The following CADM2 variants were observed in gnomAD, a reference collection of about 807,000 sequenced individuals.
CADM2 encodes the protein cell adhesion molecule 2, also known as immunoglobulin superfamily member 4D.
A neutral mutation model predicts 49.8 loss-of-function variants in CADM2; 12 were observed. The observed-to-expected ratio is 0.24, with a 90% confidence interval of 0.15 to 0.39. CADM2 has a LOEUF of 0.39. Among genes scored for constraint, CADM2 ranks in the 10% least tolerant of loss-of-function variants. The pLI is 1.00. For missense variants in CADM2, 378 were observed against 492.3 expected (o/e 0.77, Z 2.20); for synonymous variants, 214 against 175.4 (o/e 1.22, Z -1.74).
chr3:85,683,436 T>C (rs535704600), intron 1 of CADM2, among the ~76,000 whole-genome samples: 1 of 152,304 alleles, frequency 6.6e-6, no homozygotes, highest in East Asian at 1.9e-4. Flanking sequence ...TTTTGATAAA[T>C]AGAACCCTTA....
chr3:85,523,741 C>A (rs1388778126), intron 1 of CADM2, among the ~76,000 whole-genome samples: 3 of 151,908 alleles, frequency 2.0e-5, no homozygotes, highest in African/African-American at 7.2e-5. Flanking sequence ...TTCAATTTTA[C>A]TACTTTCTTT....
intron 2 of CADM2, among the ~76,000 whole-genome samples, chr3:85,738,776 C>T (rs1423861905): frequency 1.3e-5 from 2 of 152,078 alleles, no homozygotes; most frequent in Non-Finnish European, 2.9e-5. Context: ...AAGAGATATA[C>T]TAAAAGAGCA....
At chr3:85,568,384 C>G (rs2062332757) in intron 1 of CADM2, among the ~76,000 whole-genome samples, 1 of 147,524 alleles carries the variant, frequency 6.8e-6, no homozygotes, top group Non-Finnish European at 1.5e-5. Context: ...TACCTACAAT[C>G]TTTCCTTCCT....
rs115139134 is a variant in CADM2 at position 86,017,065 on chromosome 3, A to G, written c.971-48540A>G. On this transcript the variant is annotated intron_variant, in intron 8 of 9. Coordinates refer to ENST00000383699, the MANE Select transcript of CADM2 (RefSeq NM_001167675.2). ...TCAAACAGTTGTGCTTATTGCTTTAAGCTTTTACAGACCCATTTCTGTGCC... is the reference window on the plus strand; with the variant it reads ...TCAAACAGTTGTGCTTATTGCTTTAGGCTTTTACAGACCCATTTCTGTGCC... Among the ~76,000 whole-genome samples the G allele has an allele frequency of 3.9e-3, 586 of 151,784 alleles. 3 individuals are homozygous for G. Among genetic ancestry groups the G allele is most frequent in the Middle Eastern group, 0.017 (5 of 290 alleles).
intron 2 of CADM2, among the ~76,000 whole-genome samples, chr3:85,745,900 C>G (rs558255557): frequency 1.4e-4 from 21 of 151,786 alleles, no homozygotes; most frequent in African/African-American, 4.6e-4. Flanking sequence ...TTCTTGTTTT[C>G]TCCATGGTCC....
At chr3:85,055,629 C>T (rs1468421552) in intron 1 of CADM2, among the ~76,000 whole-genome samples, 1 of 152,056 alleles carries the variant, frequency 6.6e-6, no homozygotes, top group Non-Finnish European at 1.5e-5. Context: ...TTGTCCTCTG[C>T]AGCAGGGTAC....
intron 1 of CADM2, among the ~76,000 whole-genome samples, chr3:85,725,278 T>A (rs776819701): frequency 6.6e-6 from 1 of 151,980 alleles, no homozygotes; most frequent in Non-Finnish European, 1.5e-5. Flanking sequence ...ACAAAAATTA[T>A]CTGTAAGTAG....
At chr3:85,983,144 T>G (rs1488981344) in intron 8 of CADM2, among the ~76,000 whole-genome samples, 2 of 151,760 alleles carry the variant, frequency 1.3e-5, no homozygotes, top group Admixed American at 1.3e-4. Context: ...TGTATCTATA[T>G]TAAAAATCAA....
chr3:85,866,702 A>T (rs1015902812), intron 3 of CADM2, among the ~76,000 whole-genome samples: 1 of 152,046 alleles, frequency 6.6e-6, no homozygotes, highest in Non-Finnish European at 1.5e-5. Flanking sequence ...TATATTATAA[A>T]AAAGAATTCA....
chr3:85,767,197 G>C (rs1316010717), intron 2 of CADM2, among the ~76,000 whole-genome samples: 3 of 152,102 alleles, frequency 2.0e-5, no homozygotes, highest in East Asian at 1.9e-4. Context: ...GTTCACTCTA[G>C]TGATTTAAAT....
At chr3:85,738,643 T>C (rs1408541809) in intron 2 of CADM2, among the ~76,000 whole-genome samples, 1 of 152,214 alleles carries the variant, frequency 6.6e-6, no homozygotes, top group African/African-American at 2.4e-5. Context: ...ACTCACCATA[T>C]CTCTCTTTCT....
intron 1 of CADM2, among the ~76,000 whole-genome samples, chr3:85,362,831 C>T (rs2032456248): frequency 6.6e-6 from 1 of 152,044 alleles, no homozygotes; most frequent in African/African-American, 2.4e-5. Context: ...ACATCACATT[C>T]CCATGAATAC....
At chr3:85,855,054 C>T (rs969832212) in intron 3 of CADM2, among the ~76,000 whole-genome samples, 8 of 152,096 alleles carry the variant, frequency 5.3e-5, no homozygotes, top group African/African-American at 1.9e-4. Flanking sequence ...TTCCATGACA[C>T]CCCAAGAGAT....
At position 86,069,584 on chromosome 3, in the gene CADM2, A is replaced by G. The variant is rs1739663439; in HGVS notation, c.*2801A>G. On this transcript the variant is annotated 3_prime_UTR_variant, in exon 10 of 10. Coordinates refer to ENST00000383699, the MANE Select transcript of CADM2 (RefSeq NM_001167675.2). ...GAAAATAATGACATAATATTTCTAA[A>G]TGAGAATGATGTCAATTTCATTGTC... 2 of 152,004 alleles carry G rather than the reference A, an allele frequency of 1.3e-5. No homozygotes were observed. The allele number at this position is 152,004 out of a possible 1,614,324, so 9.4% of individuals were successfully genotyped here.
rs1032724284 is a variant in CADM2 at position 86,072,953 on chromosome 3, T to C, written c.*6170T>C. 6.6e-6 allele frequency: 1 copy of C among 152,112 alleles called. No individual in the cohort carries two copies. Among genetic ancestry groups the C allele is most frequent in the Non-Finnish European group, 1.5e-5 (1 of 67,978 alleles). 9.4% of individuals were successfully genotyped at this position (152,112 alleles called of 1,614,324 possible). A position where few individuals can be genotyped will look rare whatever the true frequency, so the allele number is the denominator to read the frequency against. ...ATCTTTTTACAAATTTATTTAACTGTACCTACTGTACTTATTGTAGATTCA... is the reference window on the plus strand; with the variant it reads ...ATCTTTTTACAAATTTATTTAACTGCACCTACTGTACTTATTGTAGATTCA... On this transcript the variant is annotated 3_prime_UTR_variant, in exon 10 of 10. Coordinates refer to ENST00000383699, the MANE Select transcript of CADM2 (RefSeq NM_001167675.2).
At chr3:85,213,731 A>G (rs2041858032) in intron 1 of CADM2, among the ~76,000 whole-genome samples, 1 of 152,054 alleles carries the variant, frequency 6.6e-6, no homozygotes, top group Non-Finnish European at 1.5e-5. Flanking sequence ...ACTATTTTCT[A>G]CTTTTTCTAG....
At chr3:85,368,751 T>A (rs2032984150) in intron 1 of CADM2, among the ~76,000 whole-genome samples, 1 of 152,144 alleles carries the variant, frequency 6.6e-6, no homozygotes. Context: ...CTAACTATTT[T>A]TGTGTAACAT....
chr3:85,824,468 T>C (rs1189949650), intron 3 of CADM2, among the ~76,000 whole-genome samples: 1 of 151,428 alleles, frequency 6.6e-6, no homozygotes, highest in Non-Finnish European at 1.5e-5. Flanking sequence ...CTGTGAAAGG[T>C]GATGGAGGTA....
chr3:85,757,445 C>T (rs370286805), intron 2 of CADM2, among the ~76,000 whole-genome samples: 3 of 152,012 alleles, frequency 2.0e-5, no homozygotes, highest in Non-Finnish European at 1.5e-5. Flanking sequence ...AGCATGTAAC[C>T]TGGTCACAGA....
Sources: gnomAD v4.1 joint callset for allele counts (sites outside exome capture counted in the v4.1 genomes callset) on GRCh38, gnomAD v4.1.1 for gene constraint, MANE v1.5 for transcripts, NCBI Gene and HGNC (gene_info 2026-07-23, HGNC 2026-07-21) for gene names.